Variants in SLC4A8 observed in about 807,000 individuals in gnomAD.
SLC4A8 encodes the protein electroneutral sodium bicarbonate exchanger 1.
A neutral mutation model predicts 125.0 loss-of-function variants in SLC4A8; 40 were observed. That is an observed-to-expected ratio of 0.32 (90% CI 0.25 to 0.42). The LOEUF is 0.42. Ranked by LOEUF, SLC4A8 falls within the 10% of genes least tolerant of loss-of-function variation. The pLI, the probability that SLC4A8 is intolerant of heterozygous loss-of-function variation, is 1.00. For synonymous variants in SLC4A8, 456 were observed against 476.0 expected, an observed-to-expected ratio of 0.96 and a Z score of 0.55; for missense variants, 863 against 1,355.1, an observed-to-expected ratio of 0.64 and a Z score of 5.70.
chr12:51,465,329 G>T (rs953685620), intron 11 of SLC4A8, among the ~76,000 whole-genome samples: 3 of 152,224 alleles, frequency 2.0e-5, no homozygotes, highest in East Asian at 3.8e-4. Context: ...TCTGTGCAGA[G>T]ATGAGATTTT....
intron 16 of SLC4A8, among the ~76,000 whole-genome samples, chr12:51,478,423 A>G (rs1216513502): frequency 6.6e-6 from 1 of 152,084 alleles, no homozygotes; most frequent in Non-Finnish European, 1.5e-5. Context: ...TGGGCAACAG[A>G]GCGAGACTCC....
chr12:51,480,142 T>A, intron 16 of SLC4A8: 2 of 481,086 alleles, frequency 4.2e-6, no homozygotes, highest in Non-Finnish European at 3.5e-6. Context: ...GGTTTCCCCA[T>A]GTTGGCCAGG....
chr12:51,464,286 A>G (rs1030013051), intron 11 of SLC4A8, among the ~76,000 whole-genome samples: 1 of 152,206 alleles, frequency 6.6e-6, no homozygotes, highest in African/African-American at 2.4e-5. Context: ...CAAATGAATG[A>G]ATATTTTTAG....
chr12:51,416,141 C>T (rs1293227926), intron 1 of SLC4A8, among the ~76,000 whole-genome samples: 4 of 148,794 alleles, frequency 2.7e-5, no homozygotes, highest in African/African-American at 1.0e-4. Context: ...ATTTTGCCAG[C>T]TTAGGACTAG....
intron 1 of SLC4A8, among the ~76,000 whole-genome samples, chr12:51,402,417 G>A (rs1045340323): frequency 6.6e-6 from 1 of 152,158 alleles, no homozygotes; most frequent in Non-Finnish European, 1.5e-5. Flanking sequence ...ACTCACAGGT[G>A]CTAAATTTAA....
intron 16 of SLC4A8, among the ~76,000 whole-genome samples, chr12:51,478,619 A>C (rs1390149794): frequency 6.6e-6 from 1 of 152,204 alleles, no homozygotes; most frequent in African/African-American, 2.4e-5. Flanking sequence ...CAAATTCCAG[A>C]GTCTCTGGAG....
intron 1 of SLC4A8, among the ~76,000 whole-genome samples, chr12:51,402,707 A>G (rs1460044724): frequency 6.6e-6 from 1 of 152,154 alleles, no homozygotes; most frequent in East Asian, 1.9e-4. Context: ...GGGGTACAAG[A>G]GTGAAACTCC....
intron 11 of SLC4A8, among the ~76,000 whole-genome samples, chr12:51,465,840 T>C (rs1950495727): frequency 6.6e-6 from 1 of 152,236 alleles, no homozygotes; most frequent in African/African-American, 2.4e-5. Context: ...TCTCAAATTA[T>C]GTGGGAGGTA....
At chr12:51,471,599 G>A in intron 14 of SLC4A8, 67 bp downstream of exon 14, 1 of 1,513,154 alleles carries the variant, frequency 6.6e-7, no homozygotes, top group Non-Finnish European at 9.0e-7. Flanking sequence ...CTGATGTAGA[G>A]TGCTAGGCAG....
intron 6 of SLC4A8, among the ~76,000 whole-genome samples, chr12:51,458,108 G>A (rs1354544324): frequency 6.6e-6 from 1 of 152,178 alleles, no homozygotes; most frequent in Non-Finnish European, 1.5e-5. Flanking sequence ...CAGATGCATG[G>A]TGGATTATAA....
At position 51,504,049 on chromosome 12, in the gene SLC4A8, A is replaced by G; in HGVS notation, c.3102A>G (p.Glu1034=). The change falls in exon 23 of 25, where the codon GAA becomes GAG. Residue 1034 remains glutamate (E), a synonymous_variant. Transcript: ENST00000453097. ...TCCAGGAGGCTGAGAAAATGTTAGA[A>G]ATTGGGGGAGACAAGTTTCCCTTAG... ...KEEEEAEKML[E]IGGDKFPLES... 6.3e-7 allele frequency: 1 copy of G among 1,582,992 alleles called. No homozygotes were observed. The highest frequency in any genetic ancestry group is 8.6e-7 in the Non-Finnish European group (1 of 1,162,020).
intron 13 of SLC4A8, among the ~76,000 whole-genome samples, chr12:51,470,969 G>A (rs1565802302): frequency 1.3e-5 from 2 of 151,612 alleles, no homozygotes; most frequent in Admixed American, 1.3e-4. Context: ...TATATTTCAA[G>A]TAGCAGCTCA....
At chr12:51,491,142 G>C (rs903505529) in intron 19 of SLC4A8, among the ~76,000 whole-genome samples, 1 of 152,116 alleles carries the variant, frequency 6.6e-6, no homozygotes, top group African/African-American at 2.4e-5. Context: ...TATGATTTTT[G>C]TGAGGGGTGG....
chr12:51,507,416 T>C lies in SLC4A8; in HGVS notation c.3270-10T>C. Reference sequence around the variant, plus strand: ...TTCCCTTTTTGTCTAATTGTAACACTTTTATTCAGTCTCTTCAACTAAGAG... The same window carrying C: ...TTCCCTTTTTGTCTAATTGTAACACCTTTATTCAGTCTCTTCAACTAAGAG... On this transcript the variant is annotated splice_polypyrimidine_tract_variant and intron_variant, in intron 24 of 24. Transcript: ENST00000453097. 7.2e-7 allele frequency: 1 copy of C among 1,383,276 alleles called. No individual in the cohort carries two copies. The highest frequency in any genetic ancestry group is 9.4e-7 in the Non-Finnish European group (1 of 1,059,214). The allele number at this position is 1,383,276 out of a possible 1,614,324, so 85.7% of individuals were successfully genotyped here. A position where few individuals can be genotyped will look rare whatever the true frequency, so the allele number is the denominator to read the frequency against.
In SLC4A8 at chr12:51,458,640, A is replaced by C; in HGVS notation, c.845A>C (p.Asp282Ala). The change falls in exon 7 of 25, where the codon GAT (aspartate) becomes GCT (alanine). Residue 282 changes from aspartate to alanine, a missense_variant. Coordinates refer to ENST00000453097, the MANE Select transcript of SLC4A8 (RefSeq NM_001039960.3). ...GTGAATTGTGAACATAGTCCTGTGG[A>C]TTTAAGCAAGGTGAGCAGAGTGGTG... The part of the protein sequence containing the change: ...NGVNCEHSPV[D>A]LSKVDLHFMK... 6.2e-7 allele frequency: 1 copy of C among 1,612,902 alleles called. No individual in the cohort carries two copies. The highest frequency in any genetic ancestry group is 8.5e-7 in the Non-Finnish European group (1 of 1,178,894).
upstream of SLC4A8, among the ~76,000 whole-genome samples, chr12:51,424,171 T>TTTAATGCA (rs1948885467): frequency 6.6e-6 from 1 of 151,776 alleles, no homozygotes; most frequent in Non-Finnish European, 1.5e-5. Flanking sequence ...CCAAATCAAA[T>TTTAATGCA]TTAATGCATT....
chr12:51,494,005 A>G (rs1188709654), intron 20 of SLC4A8, among the ~76,000 whole-genome samples: 1 of 152,218 alleles, frequency 6.6e-6, no homozygotes, highest in Non-Finnish European at 1.5e-5. Context: ...GGCTCCAGTT[A>G]TTCATTAATT....
upstream of SLC4A8, among the ~76,000 whole-genome samples, chr12:51,423,955 G>T (rs1458091363): frequency 7.0e-6 from 1 of 142,896 alleles, no homozygotes; most frequent in Non-Finnish European, 1.5e-5. Flanking sequence ...AGAATCGCTT[G>T]AACTGGATAG....
chr12:51,439,252 T>C (rs1482359363), intron 1 of SLC4A8, among the ~76,000 whole-genome samples: 1 of 152,148 alleles, frequency 6.6e-6, no homozygotes, highest in Admixed American at 6.5e-5. Flanking sequence ...AGATGGGGTT[T>C]CACCATGTTG....
Sources: gnomAD v4.1 joint callset for allele counts (sites outside exome capture counted in the v4.1 genomes callset) on GRCh38, gnomAD v4.1.1 for gene constraint, MANE v1.5 for transcripts, NCBI Gene and HGNC (gene_info 2026-07-23, HGNC 2026-07-21) for gene names.